RNF150: variants seen among roughly 807,000 people sequenced by gnomAD.
RNF150 encodes ring finger protein 150.
In RNF150, 24 loss-of-function variants were observed where a neutral mutation model predicts 39.3. That is an observed-to-expected ratio of 0.61 (90% CI 0.44 to 0.86). The LOEUF (loss-of-function observed/expected upper bound fraction) is 0.86. RNF150 is among the 40% of genes least tolerant of loss of function. The pLI, the probability that RNF150 is intolerant of heterozygous loss-of-function variation, is 0.00. For synonymous variants in RNF150, 255 were observed against 227.3 expected, an observed-to-expected ratio of 1.12 and a Z score of -1.10; for missense variants, 502 against 587.8, an observed-to-expected ratio of 0.85 and a Z score of 1.51.
intron 1 of RNF150, among the ~76,000 whole-genome samples, chr4:141,180,470 CAGATAATGGATAAGG>C (rs1156983192): frequency 6.6e-6 from 1 of 152,120 alleles, no homozygotes; most frequent in African/African-American, 2.4e-5. Flanking sequence ...CTGTAGGTGA[CAGATAATGGATAAGG>C]GAATTGGAGA....
chr4:141,017,617 T>C (rs570410182), intron 1 of RNF150, among the ~76,000 whole-genome samples: 1 of 152,346 alleles, frequency 6.6e-6, no homozygotes, highest in East Asian at 1.9e-4. Context: ...TGGAAGAGTT[T>C]CAGCATCCTA....
intron 1 of RNF150, chr4:141,053,828 C>A: frequency 1.8e-6 from 1 of 554,846 alleles, no homozygotes; most frequent in Non-Finnish European, 2.8e-6. Flanking sequence ...CTCTCTCTTT[C>A]CAAAAGATAT....
intron 1 of RNF150, among the ~76,000 whole-genome samples, chr4:141,056,519 T>C (rs1458857850): frequency 6.6e-6 from 1 of 152,088 alleles, no homozygotes; most frequent in Non-Finnish European, 1.5e-5. Flanking sequence ...TGACAGTCTT[T>C]GCTGGATCAC....
chr4:140,954,523 C>T (rs950412515), intron 2 of RNF150, among the ~76,000 whole-genome samples: 1 of 152,108 alleles, frequency 6.6e-6, no homozygotes, highest in South Asian at 2.1e-4. Flanking sequence ...ATGCTTCTTA[C>T]TAAAGCTTGT....
At chr4:141,083,178 A>C (rs974360665) in intron 1 of RNF150, among the ~76,000 whole-genome samples, 1 of 152,216 alleles carries the variant, frequency 6.6e-6, no homozygotes, top group Non-Finnish European at 1.5e-5. Flanking sequence ...TAATAGTACT[A>C]CATAATTTCC....
At chr4:140,920,285 T>A in intron 5 of RNF150, among the ~76,000 whole-genome samples, 1 of 144,638 alleles carries the variant, frequency 6.9e-6, no homozygotes, top group Non-Finnish European at 1.5e-5. Flanking sequence ...CGCAACCTAC[T>A]CATCTGACAA....
intron 2 of RNF150, among the ~76,000 whole-genome samples, chr4:140,949,615 T>C (rs1732464166): frequency 6.6e-6 from 1 of 152,066 alleles, no homozygotes; most frequent in African/African-American, 2.4e-5. Context: ...AGCAAGTGCA[T>C]GTGACATACA....
chr4:141,126,026 A>C (rs1015855066), intron 1 of RNF150, among the ~76,000 whole-genome samples: 1 of 152,138 alleles, frequency 6.6e-6, no homozygotes, highest in Non-Finnish European at 1.5e-5. Context: ...CAGAGTCTAG[A>C]ATTCCTGGCT....
chr4:140,995,898 T>C (rs1734351486), intron 1 of RNF150, among the ~76,000 whole-genome samples: 1 of 152,194 alleles, frequency 6.6e-6, no homozygotes, highest in Non-Finnish European at 1.5e-5. Flanking sequence ...TTAGGTTGCT[T>C]CCAAATCTTA....
rs543572320 is a variant in RNF150, at chr4:141,032,071, T to C, written c.485-64198A>G. Among the ~76,000 whole-genome samples, 6 of 151,430 alleles carry C rather than the reference T, an allele frequency of 4.0e-5. No individual in the cohort carries two copies. The East Asian group carries it at 5.8e-4, about 15-fold the overall frequency. ...ACATATATATACACACACACACACA[T>C]ACACATACATACACACACAGTGAAA... On this transcript the variant is annotated intron_variant, in intron 1 of 6. Coordinates refer to ENST00000515673, the MANE Select transcript of RNF150 (RefSeq NM_020724.2).
chr4:140,999,929 CTTGGTCTCAA>C (rs1305819386), intron 1 of RNF150, among the ~76,000 whole-genome samples: 1 of 71,068 alleles, frequency 1.4e-5, no homozygotes, highest in Admixed American at 1.9e-4. Flanking sequence ...CAGAGTGAGA[CTTGGTCTCAA>C]AAAAAGAAGA....
chr4:140,968,724 A>T (rs957760691), intron 1 of RNF150, among the ~76,000 whole-genome samples: 2 of 151,764 alleles, frequency 1.3e-5, no homozygotes, highest in African/African-American at 2.4e-5. Context: ...CCACTTTTAT[A>T]TATATGGGTC....
At chr4:141,023,964 T>C (rs571823845) in intron 1 of RNF150, among the ~76,000 whole-genome samples, 2 of 152,278 alleles carry the variant, frequency 1.3e-5, no homozygotes, top group East Asian at 1.9e-4. Context: ...TAAGAAATTA[T>C]TGCTAAAATG....
intron 1 of RNF150, among the ~76,000 whole-genome samples, chr4:141,202,056 T>G (rs561826669): frequency 2.0e-5 from 3 of 152,168 alleles, no homozygotes; most frequent in Non-Finnish European, 4.4e-5. Context: ...CACCAGACAC[T>G]GAATCTGATA....
chr4:141,068,065 T>C (rs796184840), intron 1 of RNF150, among the ~76,000 whole-genome samples: 1 of 151,882 alleles, frequency 6.6e-6, no homozygotes, highest in African/African-American at 2.4e-5. Context: ...TGTGCCTCAG[T>C]CTCCTGAGTA....
intron 4 of RNF150, among the ~76,000 whole-genome samples, chr4:140,926,824 G>A (rs1189456481): frequency 6.6e-6 from 1 of 152,166 alleles, no homozygotes; most frequent in Non-Finnish European, 1.5e-5. Context: ...TGAGTCAGAA[G>A]CTTTTCTTCT....
In RNF150 at chr4:140,959,785, T is replaced by C. The variant is rs116440076; in HGVS notation, c.735+7838A>G. Among the ~76,000 whole-genome samples the C allele has an allele frequency of 5.9e-3, 896 of 152,096 alleles. 5 individuals carry two copies. The highest frequency in any genetic ancestry group is 0.051 in the Middle Eastern group (15 of 292). On this transcript the variant is annotated intron_variant, in intron 2 of 6. Coordinates refer to ENST00000515673, the MANE Select transcript of RNF150 (RefSeq NM_020724.2). ...AAGGTGTAAGGCAAGGAGAGAAAAATTCCAGATAGTGGTAAGAATTGGGAA... is the reference window on the plus strand; with the variant it reads ...AAGGTGTAAGGCAAGGAGAGAAAAACTCCAGATAGTGGTAAGAATTGGGAA...
chr4:141,205,682 A>G (rs1254179882), intron 1 of RNF150, among the ~76,000 whole-genome samples: 4 of 152,184 alleles, frequency 2.6e-5, no homozygotes, highest in African/African-American at 9.7e-5. Context: ...TATTTTGTTT[A>G]TTTAAAGAGA....
In RNF150 at chr4:141,096,190, C is replaced by CTTTTTT. The variant is rs780868429; in HGVS notation, c.484+36129_484+36134dup. 1.5e-3 allele frequency among the ~76,000 whole-genome samples: 100 copies of CTTTTTT among 67,958 alleles called. 3 individuals carry two copies. The highest frequency in any genetic ancestry group is 2.9e-3 in the African/African-American group (41 of 14,236). 44.6% of individuals were successfully genotyped at this position (67,958 alleles called of 152,430 possible). A position where few individuals can be genotyped will look rare whatever the true frequency, so the allele number is the denominator to read the frequency against. On this transcript the variant is annotated intron_variant, in intron 1 of 6. Coordinates refer to ENST00000515673, the MANE Select transcript of RNF150 (RefSeq NM_020724.2). ...AATACCAAGGAGAGTTTTTAGCTTT[C>CTTTTTT]TTTTTTTTTTTTTTTTTTTTTTTTT...
Sources: gnomAD v4.1 joint callset for allele counts (sites outside exome capture counted in the v4.1 genomes callset) on GRCh38, gnomAD v4.1.1 for gene constraint, MANE v1.5 for transcripts, NCBI Gene and HGNC (gene_info 2026-07-23, HGNC 2026-07-21) for gene names.